Variants in ADGRL2 observed in about 807,000 individuals in gnomAD.
ADGRL2 encodes the protein calcium-independent alpha-latrotoxin receptor 2.
Under a neutral mutation model 157.4 loss-of-function variants are expected in ADGRL2, and 44 were observed. The observed-to-expected ratio is 0.28, with a 90% CI of 0.22 to 0.36. ADGRL2 has a LOEUF of 0.36. Ranked by LOEUF, ADGRL2 falls within the 10% of genes least tolerant of loss-of-function variation. The pLI is 1.00. For synonymous variants in ADGRL2, 585 were observed against 624.7 expected (o/e 0.94, Z 0.95); for missense variants, 1,510 against 1,768.9 (o/e 0.85, Z 2.63).
intron 2 of ADGRL2, among the ~76,000 whole-genome samples, chr1:81,839,892 C>T (rs1458455661): frequency 1.0e-5 from 1 of 97,854 alleles, no homozygotes; most frequent in Non-Finnish European, 2.3e-5. Flanking sequence ...TATTTTCCAT[C>T]ATATATATAT....
intron 1 of ADGRL2, among the ~76,000 whole-genome samples, chr1:81,719,018 G>T (rs1456655979): frequency 6.6e-6 from 1 of 152,146 alleles, no homozygotes; most frequent in African/African-American, 2.4e-5. Flanking sequence ...CTTATGGACA[G>T]GATTTCAGAT....
intron 15 of ADGRL2, 144 bp from the exon 16 acceptor site, chr1:81,970,170 A>G (rs1658303656): frequency 1.6e-6 from 1 of 642,676 alleles, no homozygotes; most frequent in Admixed American, 3.1e-5. Context: ...TACGAAAAAA[A>G]TATTTTCAGG....
intron 2 of ADGRL2, among the ~76,000 whole-genome samples, chr1:81,566,903 A>G (rs1157225628): frequency 1.3e-5 from 2 of 152,190 alleles, no homozygotes; most frequent in Admixed American, 1.3e-4. Context: ...GGCAATAAAG[A>G]CATTCAATTA....
At chr1:81,657,083 T>A (rs146885748) in intron 3 of ADGRL2, among the ~76,000 whole-genome samples, 2 of 151,220 alleles carry the variant, frequency 1.3e-5, no homozygotes, top group African/African-American at 4.9e-5. Context: ...AAGGCTCCAA[T>A]ATGAGCCAGT....
chr1:81,872,586 G>C (rs1210879583), intron 2 of ADGRL2, among the ~76,000 whole-genome samples: 1 of 152,062 alleles, frequency 6.6e-6, no homozygotes, highest in Non-Finnish European at 1.5e-5. Flanking sequence ...GATTAATCAA[G>C]TGTTGGTGCT....
At chr1:81,524,011 G>A (rs1037781262) in intron 2 of ADGRL2, among the ~76,000 whole-genome samples, 1 of 151,744 alleles carries the variant, frequency 6.6e-6, no homozygotes, top group African/African-American at 2.4e-5. Context: ...GTTGCAGTGA[G>A]CCAAGATTGC....
At chr1:81,631,541 C>T (rs2082010690) in intron 3 of ADGRL2, among the ~76,000 whole-genome samples, 1 of 152,136 alleles carries the variant, frequency 6.6e-6, no homozygotes, top group African/African-American at 2.4e-5. Context: ...AGTCTAGTAC[C>T]TTGATTCTCA....
chr1:81,662,960 A>G (rs977940571), intron 3 of ADGRL2, among the ~76,000 whole-genome samples: 1 of 152,080 alleles, frequency 6.6e-6, no homozygotes, highest in Non-Finnish European at 1.5e-5. Flanking sequence ...TCAGAAAGCC[A>G]CGCACCAGAG....
chr1:81,801,822 G>A lies in ADGRL2; in HGVS notation c.-101+754G>A, dbSNP rs950188978. Among the ~76,000 whole-genome samples, 4 of 152,202 alleles carry A rather than the reference G, an allele frequency of 2.6e-5. No individual in the cohort carries two copies. In the East Asian group the frequency reaches 7.7e-4, roughly 29 times the overall value. ...TCGCTTCGAAGGGACTCCCAAGTCT[G>A]CGCACCTCTGTCAGGCTTTTGCTTC... On this transcript the variant is annotated intron_variant, in intron 1 of 23. Coordinates refer to ENST00000686636, the MANE Select transcript of ADGRL2 (RefSeq NM_001366006.2).
At chr1:81,364,223 A>G (rs377356673) in intron 1 of ADGRL2, among the ~76,000 whole-genome samples, 3 of 135,936 alleles carry the variant, frequency 2.2e-5, no homozygotes, top group Non-Finnish European at 3.3e-5. Flanking sequence ...TTTTTTTTTT[A>G]TGGCTTTGCC....
chr1:81,955,610 T>C (rs1231555686), intron 10 of ADGRL2, among the ~76,000 whole-genome samples: 1 of 152,280 alleles, frequency 6.6e-6, no homozygotes, highest in Non-Finnish European at 1.5e-5. Context: ...AATTGAGGTG[T>C]GATTAAATAA....
At chr1:81,888,470 T>A (rs1011830649) in intron 2 of ADGRL2, among the ~76,000 whole-genome samples, 18 of 152,164 alleles carry the variant, frequency 1.2e-4, no homozygotes, top group Non-Finnish European at 1.9e-4. Flanking sequence ...GATGGAGTCT[T>A]GCTCTGTAAC....
At chr1:81,647,863 C>T (rs994113660) in intron 3 of ADGRL2, among the ~76,000 whole-genome samples, 3 of 152,178 alleles carry the variant, frequency 2.0e-5, no homozygotes, top group Non-Finnish European at 4.4e-5. Flanking sequence ...GATAACAGCA[C>T]ATTTTACATC....
At chr1:81,412,713 A>G (rs1343654976) in intron 1 of ADGRL2, among the ~76,000 whole-genome samples, 1 of 152,210 alleles carries the variant, frequency 6.6e-6, no homozygotes, top group Non-Finnish European at 1.5e-5. Flanking sequence ...CTTGGTTGCA[A>G]TAGATGGATA....
At chr1:81,641,602 C>T (rs1472985529) in intron 3 of ADGRL2, among the ~76,000 whole-genome samples, 1 of 151,940 alleles carries the variant, frequency 6.6e-6, no homozygotes, top group African/African-American at 2.4e-5. Flanking sequence ...GAAGACATGT[C>T]AAGAGAAATT....
intron 2 of ADGRL2, among the ~76,000 whole-genome samples, chr1:81,904,817 G>A (rs1037095175): frequency 6.6e-6 from 1 of 152,054 alleles, no homozygotes; most frequent in African/African-American, 2.4e-5. Flanking sequence ...TGAGGCAGGA[G>A]AATTGCTTGA....
intron 1 of ADGRL2, among the ~76,000 whole-genome samples, chr1:81,324,791 A>G (rs1019076302): frequency 6.6e-6 from 1 of 151,994 alleles, no homozygotes; most frequent in Non-Finnish European, 1.5e-5. Context: ...ATCTCGGCTC[A>G]CTGCAACCTC....
intron 1 of ADGRL2, among the ~76,000 whole-genome samples, chr1:81,350,532 A>G (rs1244768120): frequency 6.6e-6 from 1 of 152,226 alleles, no homozygotes; most frequent in Non-Finnish European, 1.5e-5. Context: ...ATGTAATGAC[A>G]ACTGATACTG....
At chr1:81,882,886 A>G (rs1017178876) in intron 2 of ADGRL2, among the ~76,000 whole-genome samples, 2 of 152,156 alleles carry the variant, frequency 1.3e-5, no homozygotes, top group African/African-American at 2.4e-5. Flanking sequence ...ACTTGACCCA[A>G]TTACTTAGTG....
Sources: allele counts gnomAD v4.1 joint callset (sites outside exome capture counted in the v4.1 genomes callset), GRCh38; gene constraint gnomAD v4.1.1; transcripts MANE v1.5; gene names NCBI Gene and HGNC (gene_info 2026-07-23, HGNC 2026-07-21).